Variants in ZDHHC18 observed in about 807,000 individuals in gnomAD.
ZDHHC18 encodes zDHHC palmitoyltransferase 18.
A neutral mutation model predicts 37.5 loss-of-function variants in ZDHHC18; 23 were observed. The ratio of observed to expected loss-of-function variants is 0.61; its 90% confidence interval spans 0.44 to 0.87. The LOEUF is 0.87. Ranked by LOEUF, ZDHHC18 falls within the 40% of genes least tolerant of loss-of-function variation. The pLI, the probability that ZDHHC18 is intolerant of heterozygous loss-of-function variation, is 0.00. For synonymous variants in ZDHHC18, 185 were observed against 218.7 expected, an observed-to-expected ratio of 0.85 and a Z score of 1.36; for missense variants, 406 against 525.6, an observed-to-expected ratio of 0.77 and a Z score of 2.22.
chr1:26,833,089 C>T (rs2081595355), intron 2 of ZDHHC18, among the ~76,000 whole-genome samples: 1 of 152,158 alleles, frequency 6.6e-6, no homozygotes. Context: ...ATTTATTGAC[C>T]CCCTACTATG....
chr1:26,832,752 C>T, intron 2 of ZDHHC18, 145 bp downstream of exon 2: 1 of 960,418 alleles, frequency 1.0e-6, no homozygotes, highest in South Asian at 1.7e-5. Context: ...GACACTGGCA[C>T]AGAGGGAGAC....
At position 26,835,263 on chromosome 1, in the gene ZDHHC18, G is replaced by A. The variant is rs566292867; in HGVS notation, c.496+2656G>A. The stretch of plus-strand genomic sequence containing the variant: ...GGAAGGATGGGGTGGAATCAATCTT[G>A]TAGGGCGCTGAATGTCCCTAAGACT... On this transcript the variant is annotated intron_variant, in intron 2 of 7. Coordinates refer to ENST00000374142, the MANE Select transcript of ZDHHC18 (RefSeq NM_032283.3). Among the ~76,000 whole-genome samples the A allele has an allele frequency of 5.0e-4, 76 of 152,372 alleles. 1 individual carries two copies. In the South Asian group the frequency reaches 6.0e-3, roughly 12 times the overall value.
rs1001137284 is a variant in ZDHHC18, at chr1:26,852,752, G to A, written c.937-1G>A. The A allele has an allele frequency of 6.2e-7, 1 of 1,613,822 alleles. No individual in the cohort carries two copies. Among genetic ancestry groups the A allele is most frequent in the South Asian group, 1.1e-5 (1 of 91,092 alleles). ...GACCTAGGCCTCCTTCCTGCTTGCA[G>A]ATCAAAGGCTCGTGGTCCAGCAAGA... On this transcript the variant is annotated splice_acceptor_variant, in intron 6 of 7. Transcript: ENST00000374142. LOFTEE classifies it high-confidence loss of function.
chr1:26,839,407 G>A (rs2081627650), intron 2 of ZDHHC18, among the ~76,000 whole-genome samples: 2 of 152,176 alleles, frequency 1.3e-5, no homozygotes, highest in Non-Finnish European at 2.9e-5. Context: ...AGTATGTCAG[G>A]CAGGCACAGG....
At chr1:26,831,818 T>TA in intron 1 of ZDHHC18, among the ~76,000 whole-genome samples, 1 of 152,180 alleles carries the variant, frequency 6.6e-6, no homozygotes, top group East Asian at 1.9e-4. Flanking sequence ...CCCAGCCCTC[T>TA]ACTCATTCTT....
chr1:26,845,534 T>G (rs1217613482), intron 2 of ZDHHC18, among the ~76,000 whole-genome samples: 1 of 149,064 alleles, frequency 6.7e-6, no homozygotes, highest in Non-Finnish European at 1.5e-5. Context: ...GATTTCACCA[T>G]GTTGGCCAGG....
rs2081591268 is a variant in ZDHHC18 at position 26,832,221 on chromosome 1, GCT to G, written c.336-223_336-222del. 3 of 566,984 alleles carry G rather than the reference GCT, an allele frequency of 5.3e-6. No individual in the cohort carries two copies. In the South Asian group the frequency reaches 6.5e-5, roughly 12 times the overall value. 35.1% of individuals were successfully genotyped at this position (566,984 alleles called of 1,614,324 possible). On this transcript the variant is annotated intron_variant, in intron 1 of 7. Coordinates refer to ENST00000374142, the MANE Select transcript of ZDHHC18 (RefSeq NM_032283.3). ...GATCTATTGGACACATCTGCCATGT[GCT>G]CTGGAGGAAAGTATATCACAAGGAT...
intron 2 of ZDHHC18, among the ~76,000 whole-genome samples, chr1:26,837,665 A>G (rs2081619768): frequency 6.6e-6 from 1 of 151,816 alleles, no homozygotes; most frequent in Admixed American, 6.6e-5. Flanking sequence ...TCTTTAGTAG[A>G]GATGGGGTTT....
chr1:26,852,766 G>T lies in ZDHHC18; in HGVS notation c.950G>T (p.Trp317Leu), dbSNP rs2081712557. 1 of 1,613,874 alleles carries T rather than the reference G, an allele frequency of 6.2e-7. No homozygotes were observed. The highest frequency in any genetic ancestry group is 8.5e-7 in the Non-Finnish European group (1 of 1,179,914). Residue 317 changes from tryptophan (W) to leucine (L), a missense_variant, in exon 7 of 8, where the codon TGG becomes TTG. Physicochemically the swap from Trp to Leu is moderately conservative, Grantham distance 61. Transcript: ENST00000374142. ...TCCTGCTTGCAGATCAAAGGCTCGT[G>T]GTCCAGCAAGAGGGGCGGTGAGGCC... ...LTTNEDIKGS[W>L]SSKRGGEASV...
At position 26,826,832 on chromosome 1, in the gene ZDHHC18, A is replaced by T; in HGVS notation, c.28A>T (p.Ser10Cys). 3.1e-6 allele frequency: 3 copies of T among 980,494 alleles called. No individual in the cohort carries two copies. Among genetic ancestry groups the T allele is most frequent in the Non-Finnish European group, 3.6e-6 (3 of 828,138 alleles). 60.7% of individuals were successfully genotyped at this position (980,494 alleles called of 1,614,324 possible). Reference protein sequence around the residue: MKDCEYQQISPGAAPLPASP... With the variant: MKDCEYQQICPGAAPLPASP... ...GAAGGACTGCGAGTACCAGCAGATC[A>T]GCCCCGGGGCCGCCCCGCTGCCCGC... The change falls in exon 1 of 8, where the codon AGC becomes TGC. Residue 10 changes from serine to cysteine, a missense_variant. By Grantham distance (112) the Ser-to-Cys change is moderately radical. Coordinates refer to ENST00000374142, the MANE Select transcript of ZDHHC18 (RefSeq NM_032283.3). The surrounding 1 kb of genome is among the most constrained non-coding windows in gnomAD (Gnocchi z 5.2).
intron 2 of ZDHHC18, among the ~76,000 whole-genome samples, chr1:26,833,057 C>T (rs1177457028): frequency 6.6e-6 from 1 of 152,228 alleles, no homozygotes; most frequent in Non-Finnish European, 1.5e-5. Context: ...TTCATATACA[C>T]TTATTCATTC....
At chr1:26,835,089 C>T (rs561776010) in intron 2 of ZDHHC18, among the ~76,000 whole-genome samples, 55 of 152,258 alleles carry the variant, frequency 3.6e-4, no homozygotes, top group African/African-American at 1.3e-3. Flanking sequence ...AGGAGCTGTG[C>T]GGAGGCAGCC....
Position 26,856,674 on chromosome 1 carries a change from T to C in ZDHHC18, c.*2831T>C, listed in dbSNP as rs1382604059. On this transcript the variant is annotated 3_prime_UTR_variant, in exon 8 of 8. Transcript: ENST00000374142. The surrounding 1 kb of genome is among the most constrained non-coding windows in gnomAD (Gnocchi z 5.2). Reference sequence around the variant, plus strand: ...GCTGAGCTTTCTCTCACCCGCCCGTTTTCTCTCCTGCTTCATTGCCTGCTG... The same window carrying C: ...GCTGAGCTTTCTCTCACCCGCCCGTCTTCTCTCCTGCTTCATTGCCTGCTG... The C allele has an allele frequency of 6.5e-6, 1 of 154,590 alleles. No individual in the cohort carries two copies. The highest frequency in any genetic ancestry group is 1.4e-5 in the Non-Finnish European group (1 of 69,546). The allele number at this position is 154,590 out of a possible 1,614,324, so 9.6% of individuals were successfully genotyped here.
At chr1:26,838,922 G>A (rs79008937) in intron 2 of ZDHHC18, among the ~76,000 whole-genome samples, 5,077 of 152,348 alleles carry the variant, frequency 0.033, 308 homozygotes, top group African/African-American at 0.12. Flanking sequence ...AGGCCTGGGA[G>A]CTGTGGCTGA....
At chr1:26,851,562 G>A (rs186566126) in intron 6 of ZDHHC18, among the ~76,000 whole-genome samples, 96 of 152,330 alleles carry the variant, frequency 6.3e-4, no homozygotes, top group African/African-American at 1.3e-3. Flanking sequence ...TTCAGTTCCC[G>A]TCATTTCTTT....
chr1:26,833,936 T>G (rs1448613430), intron 2 of ZDHHC18, among the ~76,000 whole-genome samples: 1 of 152,052 alleles, frequency 6.6e-6, no homozygotes, highest in Non-Finnish European at 1.5e-5. Flanking sequence ...TGTCTGCTCT[T>G]TGTCTCATTC....
chr1:26,850,927 G>C lies in ZDHHC18; in HGVS notation c.834-202G>C, dbSNP rs1182746204. ...CTCTGCCGTCCATCACCCTGACCTT[G>C]TCTGGCTCTTGAGTGGGGTCCTGAC... On this transcript the variant is annotated intron_variant, in intron 5 of 7. Coordinates refer to ENST00000374142, the MANE Select transcript of ZDHHC18 (RefSeq NM_032283.3). The surrounding 1 kb of genome is among the most constrained non-coding windows in gnomAD (Gnocchi z 6.1). Among the ~76,000 whole-genome samples, 1 of 152,182 alleles carries C rather than the reference G, an allele frequency of 6.6e-6. No homozygotes were observed. Among genetic ancestry groups the C allele is most frequent in the Non-Finnish European group, 1.5e-5 (1 of 68,030 alleles).
In ZDHHC18 at chr1:26,826,759, C is replaced by G; in HGVS notation, c.-46C>G. 1 of 938,958 alleles carries G rather than the reference C, an allele frequency of 1.1e-6. No homozygotes were observed. The highest frequency in any genetic ancestry group is 1.3e-6 in the Non-Finnish European group (1 of 789,802). 58.2% of individuals were successfully genotyped at this position (938,958 alleles called of 1,614,324 possible). A position where few individuals can be genotyped will look rare whatever the true frequency, so the allele number is the denominator to read the frequency against. ...GCTGCTCGGCCCGGTCCCGGAGTGGCCCGGCCGGCCCGCGGGGCGCGGAGC... is the reference window on the plus strand; with the variant it reads ...GCTGCTCGGCCCGGTCCCGGAGTGGGCCGGCCGGCCCGCGGGGCGCGGAGC... On this transcript the variant is annotated 5_prime_UTR_variant, in exon 1 of 8. Coordinates refer to ENST00000374142, the MANE Select transcript of ZDHHC18 (RefSeq NM_032283.3). This position sits in a 1 kb window ranked among gnomAD's most constrained non-coding sequence, Gnocchi z 5.2.
intron 2 of ZDHHC18, among the ~76,000 whole-genome samples, chr1:26,833,097 A>G (rs1299283664): frequency 6.6e-6 from 1 of 152,234 alleles, no homozygotes; most frequent in African/African-American, 2.4e-5. Flanking sequence ...ACCCCCTACT[A>G]TGTGCCAGGC....
Sources: allele counts gnomAD v4.1 joint callset (sites outside exome capture counted in the v4.1 genomes callset), GRCh38; gene constraint gnomAD v4.1.1; non-coding constraint Gnocchi (gnomAD v3.1); transcripts MANE v1.5; gene names NCBI Gene and HGNC (gene_info 2026-07-23, HGNC 2026-07-21).